TPRG1: variants seen among roughly 807,000 people sequenced by gnomAD.
TPRG1 encodes the protein tumor protein p63 regulated 1, also known as tumor protein p63-regulated gene 1 protein.
In TPRG1, 29 loss-of-function variants were observed where a neutral mutation model predicts 29.3. The ratio of observed to expected loss-of-function variants is 0.99; its 90% CI spans 0.74 to 1.35. The LOEUF is 1.35. Ranked by LOEUF, TPRG1 falls within the 40% of genes most tolerant of loss-of-function variation. TPRG1 has a pLI of 0.00. For missense variants in TPRG1, 327 were observed against 335.0 expected, an observed-to-expected ratio of 0.98 and a Z score of 0.19; for synonymous variants, 130 against 116.8, an observed-to-expected ratio of 1.11 and a Z score of -0.73.
intron 3 of TPRG1, among the ~76,000 whole-genome samples, chr3:189,140,582 T>G (rs146308952): frequency 8.3e-4 from 126 of 152,314 alleles, no homozygotes; most frequent in African/African-American, 2.9e-3. Context: ...TGCACCCCGC[T>G]GGTGTCCAGA....
At chr3:189,186,334 C>G (rs1310591815) in intron 1 of TPRG1, among the ~76,000 whole-genome samples, 1 of 152,144 alleles carries the variant, frequency 6.6e-6, no homozygotes, top group African/African-American at 2.4e-5. Context: ...GAAGGCTGGT[C>G]CTCTCTGAAG....
chr3:189,177,930 C>T (rs943000149), intron 1 of TPRG1, among the ~76,000 whole-genome samples: 6 of 152,142 alleles, frequency 3.9e-5, no homozygotes, highest in African/African-American at 1.2e-4. Flanking sequence ...GAGTAGCCAG[C>T]GTGCTGGGTG....
At chr3:189,069,023 A>T (rs760311653) in intron 4 of TPRG1, among the ~76,000 whole-genome samples, 2 of 152,194 alleles carry the variant, frequency 1.3e-5, no homozygotes, top group Non-Finnish European at 2.9e-5. Flanking sequence ...AGAAATGAAG[A>T]CCTATGTTTA....
chr3:189,180,586 C>T (rs1730075916), intron 1 of TPRG1, among the ~76,000 whole-genome samples: 2 of 152,214 alleles, frequency 1.3e-5, no homozygotes, highest in Admixed American at 6.5e-5. Context: ...CTTCATGTCT[C>T]ACATCCAGGT....
chr3:189,059,241 G>A (rs1353590151), intron 4 of TPRG1, among the ~76,000 whole-genome samples: 1 of 152,170 alleles, frequency 6.6e-6, no homozygotes, highest in Admixed American at 6.5e-5. Flanking sequence ...AGCACTTTCT[G>A]TGCCAGACAC....
upstream of TPRG1, chr3:189,100,114 G>A (rs189281688): frequency 4.4e-3 from 671 of 152,464 alleles, 2 homozygotes; most frequent in Admixed American, 0.011. Context: ...GTTCAGGCCC[G>A]ATAAGCAGGC....
intron 3 of TPRG1, among the ~76,000 whole-genome samples, chr3:189,230,435 A>C (rs1738456522): frequency 7.0e-6 from 1 of 142,850 alleles, no homozygotes; most frequent in South Asian, 2.2e-4. Context: ...CATAAATTGC[A>C]AAAAAAAAAT....
intron 1 of TPRG1, among the ~76,000 whole-genome samples, chr3:189,206,935 G>C (rs371228450): frequency 6.6e-6 from 1 of 151,986 alleles, no homozygotes; most frequent in South Asian, 2.1e-4. Context: ...AACATGTTCA[G>C]TTCTAAGTGC....
At chr3:189,064,474 G>T (rs1227407366) in intron 4 of TPRG1, among the ~76,000 whole-genome samples, 1 of 151,716 alleles carries the variant, frequency 6.6e-6, no homozygotes, top group Non-Finnish European at 1.5e-5. Flanking sequence ...TTTCACAAAA[G>T]ATTAGAAAAA....
At chr3:189,210,555 A>G (rs1335411045) in intron 2 of TPRG1, among the ~76,000 whole-genome samples, 4 of 152,244 alleles carry the variant, frequency 2.6e-5, no homozygotes, top group Admixed American at 2.6e-4. Context: ...TGAAATCTAC[A>G]GATGATATAG....
intron 4 of TPRG1, among the ~76,000 whole-genome samples, chr3:189,284,230 TG>T (rs1717647545): frequency 1.3e-5 from 2 of 151,710 alleles, no homozygotes; most frequent in Admixed American, 6.6e-5. Flanking sequence ...CTTTAAGTTT[TG>T]GGGTACATGT....
chr3:189,124,038 T>G (rs568736254), intron 1 of TPRG1, among the ~76,000 whole-genome samples: 1 of 152,316 alleles, frequency 6.6e-6, no homozygotes, highest in African/African-American at 2.4e-5. Context: ...TCGTTGTACG[T>G]GTTCTGATTA....
Position 189,318,699 on chromosome 3 carries a change from A to G in TPRG1, c.634-1927A>G, listed in dbSNP as rs115563280. ...AGCCTCAGGTACCTGCTGTCCCAAC[A>G]TTATTCACATAGCACTTCCTTTCTT... On this transcript the variant is annotated intron_variant, in intron 5 of 5. Coordinates refer to ENST00000345063, the MANE Select transcript of TPRG1 (RefSeq NM_198485.4). Among the ~76,000 whole-genome samples the G allele has an allele frequency of 9.1e-3, 1,380 of 152,236 alleles. 29 individuals are homozygous for G. The highest frequency in any genetic ancestry group is 0.032 in the African/African-American group (1,328 of 41,548).
At chr3:189,029,830 C>T (rs1168201984) in intron 4 of TPRG1, among the ~76,000 whole-genome samples, 2 of 152,116 alleles carry the variant, frequency 1.3e-5, no homozygotes, top group African/African-American at 4.8e-5. Flanking sequence ...GTGGCACCTC[C>T]CACAGCTCTC....
At chr3:189,013,247 T>C (rs1057505562) in intron 3 of TPRG1, among the ~76,000 whole-genome samples, 2 of 152,174 alleles carry the variant, frequency 1.3e-5, no homozygotes, top group Non-Finnish European at 2.9e-5. Context: ...CAAAAAACCT[T>C]CTTGATTTCT....
At chr3:189,185,227 T>C (rs1186676306) in intron 1 of TPRG1, among the ~76,000 whole-genome samples, 2 of 152,110 alleles carry the variant, frequency 1.3e-5, no homozygotes, top group Non-Finnish European at 2.9e-5. Context: ...GGTAATCTTT[T>C]TTTTTTGAGA....
intron 2 of TPRG1, among the ~76,000 whole-genome samples, chr3:189,131,683 A>C (rs1723127889): frequency 6.6e-6 from 1 of 152,226 alleles, no homozygotes; most frequent in Admixed American, 6.5e-5. Context: ...GATTGTCCTC[A>C]TTAAGACCCT....
At chr3:189,075,056 C>T (rs1216606251) in intron 4 of TPRG1, among the ~76,000 whole-genome samples, 1 of 152,140 alleles carries the variant, frequency 6.6e-6, no homozygotes, top group Non-Finnish European at 1.5e-5. Flanking sequence ...CGTGATCCAC[C>T]TACCTCGGCC....
At chr3:189,114,831 T>A (rs372903359) in intron 1 of TPRG1, among the ~76,000 whole-genome samples, 1 of 152,182 alleles carries the variant, frequency 6.6e-6, no homozygotes, top group Non-Finnish European at 1.5e-5. Flanking sequence ...GTTAAATAGA[T>A]TGATAACTGG....
Sources: gnomAD v4.1 joint callset for allele counts (sites outside exome capture counted in the v4.1 genomes callset) on GRCh38, gnomAD v4.1.1 for gene constraint, MANE v1.5 for transcripts, NCBI Gene and HGNC (gene_info 2026-07-23, HGNC 2026-07-21) for gene names.